The following KIAA1671 variants were observed in gnomAD, a reference collection of about 807,000 sequenced individuals.
KIAA1671 encodes the protein KIAA1671.
In KIAA1671, 52 loss-of-function variants were observed where a neutral mutation model predicts 131.2. The observed-to-expected ratio is 0.40, with a 90% CI of 0.32 to 0.50. The LOEUF (loss-of-function observed/expected upper bound fraction) is 0.50, where lower values mean the gene tolerates loss of function less well. KIAA1671 is among the 20% of genes least tolerant of loss of function. The pLI, the probability that KIAA1671 is intolerant of heterozygous loss-of-function variation, is 0.73. For synonymous variants in KIAA1671, 1,003 were observed against 961.6 expected (o/e 1.04, Z -0.80); for missense variants, 2,360 against 2,364.2 (o/e 1.00, Z 0.04).
At chr22:24,982,707 G>C (rs1344071639) in intron 1 of KIAA1671, among the ~76,000 whole-genome samples, 1 of 152,202 alleles carries the variant, frequency 6.6e-6, no homozygotes, top group Non-Finnish European at 1.5e-5. Flanking sequence ...TTATCTCCAG[G>C]GTCACTGAGC....
rs377292242 is a variant in KIAA1671 at position 24,978,676 on chromosome 22, C to CTTTTGTTTTG, written c.-208+25925_-208+25934dup. On this transcript the variant is annotated intron_variant, in intron 1 of 12. Transcript: ENST00000358431. ...TATGGATACAGTTTACCATCTTAAT[C>CTTTTGTTTTG]TTTTGTTTTGTTTTGTTTTGTTTTG... is the stretch of plus-strand genomic sequence containing the variant. Among the ~76,000 whole-genome samples the CTTTTGTTTTG allele has an allele frequency of 1.1e-4, 16 of 152,006 alleles. No homozygotes were observed. In the East Asian group the frequency reaches 1.7e-3, roughly 17 times the overall value.
intron 10 of KIAA1671, among the ~76,000 whole-genome samples, 164 bp from the exon 11 acceptor site, chr22:25,184,811 ACT>A (rs112231915): frequency 0.031 from 4,675 of 152,046 alleles, 104 homozygotes; most frequent in African/African-American, 0.063. Context: ...GGAATGCCAG[ACT>A]GACATCTGAC....
chr22:25,093,812 G>GTCTCTCTCTCTTTCTCTC (rs1930231637), intron 6 of KIAA1671, among the ~76,000 whole-genome samples: 2 of 31,004 alleles, frequency 6.5e-5, no homozygotes, highest in Non-Finnish European at 1.1e-4. Context: ...CTCTCTCTCT[G>GTCTCTCTCTCTTTCTCTC]TCTCTCTCTC....
chr22:25,001,191 A>ATG (rs1555951915), intron 1 of KIAA1671, among the ~76,000 whole-genome samples: 2 of 151,506 alleles, frequency 1.3e-5, no homozygotes, highest in Admixed American at 6.6e-5. Flanking sequence ...ACGTGTGTAT[A>ATG]TATGTGTGTA....
chr22:25,086,516 C>A (rs1026347602), intron 6 of KIAA1671, among the ~76,000 whole-genome samples: 1 of 152,194 alleles, frequency 6.6e-6, no homozygotes, highest in African/African-American at 2.4e-5. Flanking sequence ...AATGCAGGGC[C>A]AGGCATAGAG....
chr22:25,155,479 CTG>C (rs979044249), intron 6 of KIAA1671, among the ~76,000 whole-genome samples: 7 of 149,554 alleles, frequency 4.7e-5, no homozygotes, highest in Admixed American at 1.3e-4. Flanking sequence ...GTGTATGCAG[CTG>C]TGTGTGTGTG....
intron 1 of KIAA1671, among the ~76,000 whole-genome samples, chr22:24,978,301 C>T (rs1345864638): frequency 1.3e-5 from 2 of 152,128 alleles, no homozygotes; most frequent in African/African-American, 4.8e-5. Context: ...CTGCTTTTGC[C>T]TCTTCCTCAT....
intron 5 of KIAA1671, among the ~76,000 whole-genome samples, chr22:25,045,755 A>G (rs1927187170): frequency 6.6e-6 from 1 of 151,852 alleles, no homozygotes; most frequent in Admixed American, 6.6e-5. Context: ...ATTCCTGGCT[A>G]ATTTTTTGTA....
At chr22:25,168,686 C>T (rs1478759643) in intron 6 of KIAA1671, among the ~76,000 whole-genome samples, 1 of 151,432 alleles carries the variant, frequency 6.6e-6, no homozygotes, top group African/African-American at 2.4e-5. Context: ...GGGTGGGACT[C>T]CATCTAGGGA....
intron 6 of KIAA1671, among the ~76,000 whole-genome samples, chr22:25,144,288 C>T (rs1423263570): frequency 6.6e-6 from 1 of 152,200 alleles, no homozygotes; most frequent in Non-Finnish European, 1.5e-5. Flanking sequence ...GTCCAGTTCA[C>T]ATGCCTCCTC....
At chr22:24,960,654 C>CTTTTTTTTT (rs34901740) in intron 1 of KIAA1671, among the ~76,000 whole-genome samples, 3 of 71,530 alleles carry the variant, frequency 4.2e-5, no homozygotes, top group African/African-American at 5.5e-5. Flanking sequence ...TTTTCAGGTT[C>CTTTTTTTTT]TTTTTTTTTT....
intron 6 of KIAA1671, among the ~76,000 whole-genome samples, chr22:25,086,852 G>A (rs1454516543): frequency 6.6e-6 from 1 of 152,180 alleles, no homozygotes; most frequent in African/African-American, 2.4e-5. Context: ...GACCATGTTA[G>A]CAGTTCTAAA....
intron 6 of KIAA1671, among the ~76,000 whole-genome samples, chr22:25,082,255 C>G (rs1165008915): frequency 6.6e-6 from 1 of 152,276 alleles, no homozygotes; most frequent in African/African-American, 2.4e-5. Context: ...ATTAACTTAT[C>G]TCATAGTTGG....
At chr22:25,074,514 A>AAAAAAAAAAAAAAAAAAAAG (rs59411918) in intron 6 of KIAA1671, among the ~76,000 whole-genome samples, 3 of 117,426 alleles carry the variant, frequency 2.6e-5, no homozygotes, top group African/African-American at 1.1e-4. Flanking sequence ...AAAAAAAAAA[A>AAAAAAAAAAAAAAAAAAAAG]AAAGAAAGAA....
chr22:25,166,631 G>A (rs1568988878), intron 6 of KIAA1671, among the ~76,000 whole-genome samples: 1 of 152,200 alleles, frequency 6.6e-6, no homozygotes, highest in South Asian at 2.1e-4. Flanking sequence ...GAAAATTGCT[G>A]TCATCATGAC....
intron 1 of KIAA1671, among the ~76,000 whole-genome samples, chr22:24,984,229 C>CA (rs57608545): frequency 0.011 from 1,684 of 152,314 alleles, 38 homozygotes; most frequent in African/African-American, 0.039. Flanking sequence ...AGCACACTGA[C>CA]ATCCCTCCAG....
chr22:24,955,072 C>A (rs959281977), intron 1 of KIAA1671, among the ~76,000 whole-genome samples: 1 of 152,208 alleles, frequency 6.6e-6, no homozygotes, highest in African/African-American at 2.4e-5. Context: ...TGAGCCACTG[C>A]GCCTGGCCGG....
At chr22:25,187,045 C>G (rs1053100487) in intron 11 of KIAA1671, among the ~76,000 whole-genome samples, 1 of 152,196 alleles carries the variant, frequency 6.6e-6, no homozygotes, top group Non-Finnish European at 1.5e-5. Context: ...TCTTCTTCCT[C>G]ATTCCTAGGC....
chr22:25,156,227 G>A (rs913873770), intron 6 of KIAA1671, among the ~76,000 whole-genome samples: 8 of 151,618 alleles, frequency 5.3e-5, no homozygotes, highest in Admixed American at 2.0e-4. Context: ...GGGTTTCACC[G>A]TGTTAGCCAG....
Sources: gnomAD v4.1 joint callset for allele counts (sites outside exome capture counted in the v4.1 genomes callset) on GRCh38, gnomAD v4.1.1 for gene constraint, MANE v1.5 for transcripts, NCBI Gene and HGNC (gene_info 2026-07-23, HGNC 2026-07-21) for gene names.